The following ACBD6 variants were observed in gnomAD, a reference collection of about 807,000 sequenced individuals.
The protein encoded by ACBD6 is acyl-CoA-binding domain-containing protein 6.
A neutral mutation model predicts 37.2 loss-of-function variants in ACBD6; 28 were observed. The ratio of observed to expected loss-of-function variants is 0.75; its 90% CI spans 0.56 to 1.03. ACBD6 has a LOEUF of 1.03. Ranked by LOEUF, ACBD6 falls within the 50% of genes least tolerant of loss-of-function variation. The probability of loss-of-function intolerance (pLI) is 0.00; values close to 1 mark genes in which losing one functional copy is unlikely to be tolerated. For synonymous variants in ACBD6, 113 were observed against 126.8 expected, an observed-to-expected ratio of 0.89 and a Z score of 0.73; for missense variants, 340 against 337.4, an observed-to-expected ratio of 1.01 and a Z score of -0.06.
chr1:180,464,856 G>A (rs867309343), intron 3 of ACBD6, among the ~76,000 whole-genome samples: 1 of 152,034 alleles, frequency 6.6e-6, no homozygotes, highest in Non-Finnish European at 1.5e-5. Flanking sequence ...CAATGGAACC[G>A]AATAGAGAGC....
chr1:180,495,661 A>G (rs1651705431), intron 1 of ACBD6, 136 bp from the exon 2 acceptor site: 4 of 648,004 alleles, frequency 6.2e-6, no homozygotes, highest in Admixed American at 5.7e-5. Context: ...AGCAAAATTT[A>G]ACATTCTTTG....
chr1:180,358,855 AGAT>A (rs1652735066), intron 6 of ACBD6, among the ~76,000 whole-genome samples: 1 of 152,228 alleles, frequency 6.6e-6, no homozygotes, highest in South Asian at 2.1e-4. Context: ...AGCAGTGGAG[AGAT>A]TAACTGCTAC....
At chr1:180,439,635 A>G (rs899399438) in intron 3 of ACBD6, among the ~76,000 whole-genome samples, 1 of 150,054 alleles carries the variant, frequency 6.7e-6, no homozygotes, top group Non-Finnish European at 1.5e-5. Flanking sequence ...TCCCTAGTCC[A>G]CACTCAGCCT....
chr1:180,274,702 A>G, exon 10 of ACBD6: 1 of 1,175,266 alleles, frequency 8.5e-7, no homozygotes, highest in Non-Finnish European at 1.2e-6. Context: ...TTTCAATGGA[A>G]GTCCTCCGCT....
At chr1:180,352,233 A>G (rs1257339388) in intron 6 of ACBD6, among the ~76,000 whole-genome samples, 1 of 152,172 alleles carries the variant, frequency 6.6e-6, no homozygotes, top group Admixed American at 6.5e-5. Flanking sequence ...ATGATTGCAC[A>G]ACAATGTGAA....
Position 180,274,432 on chromosome 1 carries a change from G to A in ACBD6, c.*936+219C>T, listed in dbSNP as rs748004117. 8.9e-5 allele frequency: 143 copies of A among 1,614,180 alleles called. No individual in the cohort carries two copies. Among genetic ancestry groups the A allele is most frequent in the Middle Eastern group, 1.6e-4 (1 of 6,062 alleles). On this transcript the variant is annotated intron_variant, in intron 10 of 13. Coordinates refer to the ACBD6 transcript ENST00000642319. ...TGGACAGTAATTTGGGCATCATTGC[G>A]CATGCAGGGCAGGGAGTAAGCCAGA...
At chr1:180,301,991 T>G (rs79734983) in intron 7 of ACBD6, among the ~76,000 whole-genome samples, 1 of 151,992 alleles carries the variant, frequency 6.6e-6, no homozygotes, top group South Asian at 2.1e-4. Flanking sequence ...CGGTCTGTGT[T>G]TGAGTGTATA....
intron 6 of ACBD6, among the ~76,000 whole-genome samples, chr1:180,337,411 T>G (rs1394157215): frequency 6.6e-6 from 1 of 152,212 alleles, no homozygotes; most frequent in Non-Finnish European, 1.5e-5. Flanking sequence ...ACCACATGAT[T>G]ATCTCAATAG....
chr1:180,378,128 A>T (rs1361387504), intron 6 of ACBD6, among the ~76,000 whole-genome samples: 1 of 152,098 alleles, frequency 6.6e-6, no homozygotes, highest in Non-Finnish European at 1.5e-5. Context: ...CAAGGTTAAC[A>T]TCTCCAGTAA....
chr1:180,344,067 C>T (rs1224921487), intron 6 of ACBD6, among the ~76,000 whole-genome samples: 1 of 152,094 alleles, frequency 6.6e-6, no homozygotes, highest in Non-Finnish European at 1.5e-5. Flanking sequence ...AGAATTCTAG[C>T]TGGTCTGAGA....
At chr1:180,391,021 C>A (rs2101941838) in intron 6 of ACBD6, among the ~76,000 whole-genome samples, 1 of 152,082 alleles carries the variant, frequency 6.6e-6, no homozygotes, top group African/African-American at 2.4e-5. Context: ...TAGAAATAAA[C>A]CCTCATATTT....
At chr1:180,398,726 C>T (rs1482978666) in intron 5 of ACBD6, among the ~76,000 whole-genome samples, 1 of 152,082 alleles carries the variant, frequency 6.6e-6, no homozygotes, top group African/African-American at 2.4e-5. Context: ...AAAGAATAAA[C>T]AAAACCCCAA....
intron 3 of ACBD6, among the ~76,000 whole-genome samples, chr1:180,444,250 C>G (rs1649393779): frequency 6.7e-6 from 1 of 150,254 alleles, no homozygotes; most frequent in Non-Finnish European, 1.5e-5. Context: ...GGCCACTGCA[C>G]TCCAGTCTGG....
intron 7 of ACBD6, among the ~76,000 whole-genome samples, chr1:180,294,784 T>C (rs1274366531): frequency 6.6e-6 from 1 of 152,048 alleles, no homozygotes; most frequent in African/African-American, 2.4e-5. Flanking sequence ...ATCCTGGAAC[T>C]CCTGGGCATG....
intron 3 of ACBD6, among the ~76,000 whole-genome samples, chr1:180,469,718 A>G (rs1050359145): frequency 2.0e-5 from 3 of 152,206 alleles, no homozygotes; most frequent in African/African-American, 7.2e-5. Flanking sequence ...CTATAATTTC[A>G]ACCTGGTCAT....
intron 7 of ACBD6, among the ~76,000 whole-genome samples, chr1:180,296,284 C>A (rs906587719): frequency 2.0e-5 from 3 of 152,114 alleles, no homozygotes; most frequent in African/African-American, 7.2e-5. Context: ...GAGGCTGACT[C>A]ATGAGGTTGA....
At chr1:180,411,886 G>A (rs2101970760) in intron 5 of ACBD6, among the ~76,000 whole-genome samples, 1 of 152,086 alleles carries the variant, frequency 6.6e-6, no homozygotes, top group Admixed American at 6.5e-5. Flanking sequence ...TGGCCAGGCT[G>A]GTCTCAAGCT....
chr1:180,295,807 C>T (rs945388221), intron 7 of ACBD6, among the ~76,000 whole-genome samples: 6 of 152,086 alleles, frequency 3.9e-5, no homozygotes, highest in African/African-American at 9.7e-5. Flanking sequence ...GCCAATCCCT[C>T]GTCTATCCCT....
At chr1:180,374,981 A>G (rs1017431845) in intron 6 of ACBD6, among the ~76,000 whole-genome samples, 1 of 152,144 alleles carries the variant, frequency 6.6e-6, no homozygotes, top group African/African-American at 2.4e-5. Flanking sequence ...ATGGAAAGAC[A>G]CCCTATATTC....
Sources: gnomAD v4.1 joint callset for allele counts (sites outside exome capture counted in the v4.1 genomes callset) on GRCh38, gnomAD v4.1.1 for gene constraint, MANE v1.5 for transcripts, NCBI Gene and HGNC (gene_info 2026-07-23, HGNC 2026-07-21) for gene names.